HLTF: variants seen among roughly 807,000 people sequenced by gnomAD.
The protein encoded by HLTF is helicase like transcription factor, also known as DNA-dependent ATPase/E3 ubiquitin-protein ligase HLTF.
Under a neutral mutation model 129.4 loss-of-function variants are expected in HLTF, and 127 were observed. The observed-to-expected ratio is 0.98, with a 90% CI of 0.85 to 1.14. The LOEUF is 1.14. HLTF is among the 50% of genes most tolerant of loss of function. HLTF has a pLI of 0.00. For synonymous variants in HLTF, 332 were observed against 388.8 expected, an observed-to-expected ratio of 0.85 and a Z score of 1.72; for missense variants, 1,139 against 1,187.1, an observed-to-expected ratio of 0.96 and a Z score of 0.60.
rs1435225395 is a variant in HLTF at position 149,030,153 on chromosome 3, A to T, written c.*2067T>A. 1.3e-5 allele frequency: 2 copies of T among 152,226 alleles called. No individual in the cohort carries two copies. The highest frequency in any genetic ancestry group is 2.9e-5 in the Non-Finnish European group (2 of 68,040). 9.4% of individuals were successfully genotyped at this position (152,226 alleles called of 1,614,324 possible). On this transcript the variant is annotated 3_prime_UTR_variant, in exon 25 of 25. Coordinates refer to ENST00000310053, the MANE Select transcript of HLTF (RefSeq NM_003071.4). ...ACATTTGAAATTTTTATTGATTTTT[A>T]AATTTAAAATCCAGTTTTAACCACA... is the stretch of plus-strand genomic sequence containing the variant.
chr3:149,074,108 G>T, intron 4 of HLTF, 107 bp downstream of exon 4: 3 of 1,107,724 alleles, frequency 2.7e-6, no homozygotes, highest in Non-Finnish European at 2.5e-6. Context: ...GTTGTACCTT[G>T]GAGCCTTGAG....
At chr3:149,042,404 A>G (rs1559857970) in intron 18 of HLTF, 114 bp from the exon 19 acceptor site, 4 of 877,248 alleles carry the variant, frequency 4.6e-6, no homozygotes, top group Non-Finnish European at 6.9e-6. Context: ...TTACTCCAAA[A>G]CAAGAATGAA....
At chr3:149,067,547 A>G (rs11710438) in intron 8 of HLTF, among the ~76,000 whole-genome samples, 67,737 of 151,750 alleles carry the variant, frequency 0.45, 16,702 homozygotes, top group African/African-American at 0.68. Context: ...GTGTCACTGA[A>G]GGTGGAGTGC....
rs1718557767 is a variant in HLTF at position 149,068,125 on chromosome 3, C to T, written c.990+115G>A. ...CAGCAACACATAAAAGACAGAGAGA[C>T]CATTCATCGCATTTCTGAAAACACA... On this transcript the variant is annotated intron_variant, in intron 8 of 24. Transcript: ENST00000310053. 2.1e-5 allele frequency: 12 copies of T among 577,654 alleles called. No individual in the cohort carries two copies. In the South Asian group the frequency reaches 3.0e-4, roughly 14 times the overall value. 35.8% of individuals were successfully genotyped at this position (577,654 alleles called of 1,614,324 possible).
At chr3:149,070,833 T>C (rs1038689346) in intron 7 of HLTF, among the ~76,000 whole-genome samples, 1 of 152,122 alleles carries the variant, frequency 6.6e-6, no homozygotes, top group Non-Finnish European at 1.5e-5. Flanking sequence ...TCACTTGAAG[T>C]CAGGAGTTCA....
Position 149,031,164 on chromosome 3 carries a change from AAAAAG to A in HLTF, c.*1051_*1055del, listed in dbSNP as rs1460685580. 10 of 152,456 alleles carry A rather than the reference AAAAAG, an allele frequency of 6.6e-5. No homozygotes were observed. Among genetic ancestry groups the A allele is most frequent in the African/African-American group, 1.4e-4 (6 of 41,404 alleles). 9.4% of individuals were successfully genotyped at this position (152,456 alleles called of 1,614,324 possible). A position where few individuals can be genotyped will look rare whatever the true frequency, so the allele number is the denominator to read the frequency against. ...TTGCTTATTAACAAAAAAGTAAAAA[AAAAAG>A]AAAAGAAAAAAGATGACTAATTCTA... On this transcript the variant is annotated 3_prime_UTR_variant, in exon 25 of 25. Coordinates refer to ENST00000310053, the MANE Select transcript of HLTF (RefSeq NM_003071.4).
chr3:149,036,293 T>G (rs867371427), intron 23 of HLTF, among the ~76,000 whole-genome samples: 2 of 96,540 alleles, frequency 2.1e-5, no homozygotes, highest in African/African-American at 4.6e-5. Context: ...ATTAAAACTA[T>G]GAGGTTTTTT....
intron 5 of HLTF, among the ~76,000 whole-genome samples, chr3:149,072,452 T>A (rs1164723408): frequency 1.8e-4 from 27 of 152,242 alleles, no homozygotes; most frequent in Non-Finnish European, 2.9e-5. Context: ...ATAAGGAACT[T>A]GCCATGCACT....
intron 5 of HLTF, 96 bp from the exon 6 acceptor site, chr3:149,071,753 TA>T: frequency 4.8e-6 from 4 of 826,288 alleles, no homozygotes; most frequent in Non-Finnish European, 7.8e-6. Context: ...TAACTGGCGT[TA>T]ATGTCAAACG....
Position 149,030,415 on chromosome 3 carries a change from A to G in HLTF, c.*1805T>C, listed in dbSNP as rs906395855. Reference sequence around the variant, plus strand: ...GAGACATTTTTTAAACAACTTGCCAAACTTACTTATGAGTGTGTTTTAAAA... The same window carrying G: ...GAGACATTTTTTAAACAACTTGCCAGACTTACTTATGAGTGTGTTTTAAAA... On this transcript the variant is annotated 3_prime_UTR_variant, in exon 25 of 25. Coordinates refer to ENST00000310053, the MANE Select transcript of HLTF (RefSeq NM_003071.4). 1.5e-4 allele frequency: 23 copies of G among 152,308 alleles called. No homozygotes were observed. Among genetic ancestry groups the G allele is most frequent in the Admixed American group, 1.3e-3 (20 of 15,290 alleles). 9.4% of individuals were successfully genotyped at this position (152,308 alleles called of 1,614,324 possible).
At chr3:149,077,442 T>C (rs906247982) in intron 2 of HLTF, among the ~76,000 whole-genome samples, 14 of 152,080 alleles carry the variant, frequency 9.2e-5, no homozygotes, top group African/African-American at 3.4e-4. Flanking sequence ...GCTGACTGTA[T>C]TTAACCTCTG....
chr3:149,081,903 A>G (rs1719904686), intron 2 of HLTF, among the ~76,000 whole-genome samples: 1 of 152,242 alleles, frequency 6.6e-6, no homozygotes, highest in Non-Finnish European at 1.5e-5. Flanking sequence ...TGTGAGCAAC[A>G]CATCATACCA....
intron 7 of HLTF, among the ~76,000 whole-genome samples, chr3:149,070,139 CAATT>C (rs1266604435): frequency 6.6e-5 from 10 of 152,184 alleles, no homozygotes; most frequent in Admixed American, 6.5e-4. Context: ...CATATTACAA[CAATT>C]AACCTTTAAT....
At position 149,063,426 on chromosome 3, in the gene HLTF, T is replaced by C. The variant is rs1404883631; in HGVS notation, c.1160+5A>G. 4 of 1,529,704 alleles carry C rather than the reference T, an allele frequency of 2.6e-6. No homozygotes were observed. The highest frequency in any genetic ancestry group is 4.5e-5 in the East Asian group (2 of 44,500). 94.8% of individuals were successfully genotyped at this position (1,529,704 alleles called of 1,614,324 possible). ...ATATGACATAATCAAACCATAATAGTTTACCTTTTGGGGCGGGAGCTAGAC... is the reference window on the plus strand; with the variant it reads ...ATATGACATAATCAAACCATAATAGCTTACCTTTTGGGGCGGGAGCTAGAC... On this transcript the variant is annotated splice_donor_5th_base_variant and intron_variant, in intron 10 of 24. Coordinates refer to ENST00000310053, the MANE Select transcript of HLTF (RefSeq NM_003071.4).
intron 8 of HLTF, among the ~76,000 whole-genome samples, chr3:149,067,723 T>C (rs1718516601): frequency 6.6e-6 from 1 of 152,164 alleles, no homozygotes; most frequent in Non-Finnish European, 1.5e-5. Context: ...AACCTGTATT[T>C]TCTTTGGAAA....
At chr3:149,076,301 T>C (rs1719349493) in intron 2 of HLTF, among the ~76,000 whole-genome samples, 1 of 152,200 alleles carries the variant, frequency 6.6e-6, no homozygotes, top group Non-Finnish European at 1.5e-5. Context: ...AAATGTAAAC[T>C]AGCAAATTCA....
chr3:149,084,693 A>G lies in HLTF; in HGVS notation c.217T>C (p.Tyr73His). 6.2e-7 allele frequency: 1 copy of G among 1,610,612 alleles called. No homozygotes were observed. The highest frequency in any genetic ancestry group is 8.5e-7 in the Non-Finnish European group (1 of 1,176,780). ...LRGHVVGLRY[Y>H]TGVVNNNEMV... is the part of the protein sequence containing the mutation. ...ACTATTATACTCACTACTCCCGTGT[A>G]ATAGCGTAGTCCAACCACATGACCT... The change falls in exon 2 of 25, where the codon TAC becomes CAC. Residue 73 changes from tyrosine to histidine, a missense_variant. Physicochemically the swap from Tyr to His is moderately conservative, Grantham distance 83 (BLOSUM62 2). Coordinates refer to ENST00000310053, the MANE Select transcript of HLTF (RefSeq NM_003071.4).
chr3:149,079,597 TTTG>T (rs1374233270), intron 2 of HLTF, among the ~76,000 whole-genome samples: 12 of 152,092 alleles, frequency 7.9e-5, no homozygotes, highest in African/African-American at 1.9e-4. Flanking sequence ...TGGGGTTTTC[TTTG>T]TTGTTGTTTT....
At chr3:149,058,192 G>A (rs1359976849) in intron 13 of HLTF, among the ~76,000 whole-genome samples, 1 of 152,076 alleles carries the variant, frequency 6.6e-6, no homozygotes, top group Non-Finnish European at 1.5e-5. Context: ...TGACCTCCCA[G>A]GCTCAAGTAG....
Sources: allele counts gnomAD v4.1 joint callset (sites outside exome capture counted in the v4.1 genomes callset), GRCh38; gene constraint gnomAD v4.1.1; transcripts MANE v1.5; gene names NCBI Gene and HGNC (gene_info 2026-07-23, HGNC 2026-07-21).